BCL11B: variants seen among roughly 807,000 people sequenced by gnomAD.
BCL11B encodes BCL11 transcription factor B, also known as B-cell lymphoma/leukemia 11B.
In BCL11B, 8 loss-of-function variants were observed where a neutral mutation model predicts 49.9. The ratio of observed to expected loss-of-function variants is 0.16; its 90% CI spans 0.09 to 0.29. BCL11B has a LOEUF of 0.29. Ranked by LOEUF, BCL11B falls within the 10% of genes least tolerant of loss-of-function variation. BCL11B has a pLI of 1.00. For synonymous variants in BCL11B, 739 were observed against 637.4 expected (o/e 1.16, Z -2.40); for missense variants, 1,006 against 1,351.0 (o/e 0.74, Z 4.00).
chr14:99,252,567 A>G (rs139032738), intron 2 of BCL11B, among the ~76,000 whole-genome samples: 118 of 152,290 alleles, frequency 7.7e-4, no homozygotes, highest in African/African-American at 2.5e-3. Flanking sequence ...CTGCTAAGAG[A>G]ATCTCCCAGG....
chr14:99,190,303 A>G (rs1394614778), intron 3 of BCL11B, among the ~76,000 whole-genome samples: 1 of 152,170 alleles, frequency 6.6e-6, no homozygotes, highest in Non-Finnish European at 1.5e-5. Flanking sequence ...CTTGGCTAAT[A>G]CAGTGAAACC....
rs1008482399 is a variant in BCL11B, at chr14:99,248,486, G to C, written c.427+8985C>G. 6.6e-6 allele frequency among the ~76,000 whole-genome samples: 1 copy of C among 151,894 alleles called. No individual in the cohort carries two copies. Among genetic ancestry groups the C allele is most frequent in the African/African-American group, 2.4e-5 (1 of 41,320 alleles). On this transcript the variant is annotated intron_variant, in intron 2 of 3. Transcript: ENST00000357195. The surrounding 1 kb of genome is among the most constrained non-coding windows in gnomAD (Gnocchi z 4.7). Reference sequence around the variant, plus strand: ...AGGGCCCGAGGTTTATACAATTCAGGGTACACTCATCACAAAGAAAAGAAT... The same window carrying C: ...AGGGCCCGAGGTTTATACAATTCAGCGTACACTCATCACAAAGAAAAGAAT...
At chr14:99,259,901 A>G (rs1027494504) in intron 1 of BCL11B, among the ~76,000 whole-genome samples, 1 of 152,226 alleles carries the variant, frequency 6.6e-6, no homozygotes, top group African/African-American at 2.4e-5. Flanking sequence ...GTTTGTCAGA[A>G]TGTAAAAGGT....
At position 99,192,939 on chromosome 14, in the gene BCL11B, TAGTGAATA is replaced by T. The variant is rs56991040; in HGVS notation, c.641-16752_641-16745del. On this transcript the variant is annotated intron_variant, in intron 3 of 3. Transcript: ENST00000357195. This position sits in a 1 kb window ranked among gnomAD's most constrained non-coding sequence, Gnocchi z 4.0. ...AGAGTGAATGAATGAATGAGTAAAT[TAGTGAATA>T]AGTGAATAAGTGAATGAATGAATGA... Among the ~76,000 whole-genome samples the T allele has an allele frequency of 0.21, 32,183 of 151,746 alleles. 3,518 individuals are homozygous for T. The highest frequency in any genetic ancestry group is 0.45 in the South Asian group (2,139 of 4,790).
chr14:99,216,892 A>G (rs1188202507), intron 3 of BCL11B, among the ~76,000 whole-genome samples: 2 of 150,954 alleles, frequency 1.3e-5, no homozygotes, highest in East Asian at 3.9e-4. Flanking sequence ...CACAGATACC[A>G]TATACACTCA....
chr14:99,211,157 GA>G (rs1380855567), intron 3 of BCL11B, among the ~76,000 whole-genome samples: 15 of 152,172 alleles, frequency 9.9e-5, no homozygotes, highest in African/African-American at 3.6e-4. Context: ...CTGGAAGATG[GA>G]AGTGGGGGCC....
intron 3 of BCL11B, among the ~76,000 whole-genome samples, chr14:99,186,654 C>T (rs1886862175): frequency 1.3e-5 from 2 of 152,336 alleles, no homozygotes; most frequent in South Asian, 4.1e-4. Flanking sequence ...GGGAGAGGTT[C>T]AGAAAACACG....
At chr14:99,258,112 T>C (rs1889227628) in intron 1 of BCL11B, among the ~76,000 whole-genome samples, 1 of 152,212 alleles carries the variant, frequency 6.6e-6, no homozygotes, top group South Asian at 2.1e-4. Context: ...GTTTATTTTC[T>C]GCCAGTTTCT....
In BCL11B at chr14:99,215,812, A is replaced by G. The variant is rs139509241; in HGVS notation, c.640+15533T>C. Among the ~76,000 whole-genome samples the G allele has an allele frequency of 5.5e-3, 842 of 152,374 alleles. 8 individuals carry two copies. The highest frequency in any genetic ancestry group is 0.019 in the African/African-American group (795 of 41,592). On this transcript the variant is annotated intron_variant, in intron 3 of 3. Coordinates refer to ENST00000357195, the MANE Select transcript of BCL11B (RefSeq NM_138576.4). The stretch of plus-strand genomic sequence containing the variant: ...TCACTTTGCACTTGACTTTTAGTGC[A>G]GTGATTCTGGAAACACTGTGTTCAT...
rs1887515334 is a variant in BCL11B at position 99,205,695 on chromosome 14, A to G, written c.640+25650T>C. Among the ~76,000 whole-genome samples, 1 of 152,076 alleles carries G rather than the reference A, an allele frequency of 6.6e-6. No individual in the cohort carries two copies. The highest frequency in any genetic ancestry group is 6.5e-5 in the Admixed American group (1 of 15,270). On this transcript the variant is annotated intron_variant, in intron 3 of 3. Coordinates refer to ENST00000357195, the MANE Select transcript of BCL11B (RefSeq NM_138576.4). This position sits in a 1 kb window ranked among gnomAD's most constrained non-coding sequence, Gnocchi z 5.0. ...CAGGAATATGTAAATAAACAAACAG[A>G]GTACGTGGTAAGGAGCAGAATTCCC...
rs2139739758 is a variant in BCL11B, at chr14:99,169,361, A to T, written c.*4790T>A. 5.1e-6 allele frequency: 1 copy of T among 194,278 alleles called. No homozygotes were observed. Among genetic ancestry groups the T allele is most frequent in the Non-Finnish European group, 1.1e-5 (1 of 92,962 alleles). The allele number at this position is 194,278 out of a possible 1,614,324, so 12.0% of individuals were successfully genotyped here. A position where few individuals can be genotyped will look rare whatever the true frequency, so the allele number is the denominator to read the frequency against. On this transcript the variant is annotated 3_prime_UTR_variant, in exon 4 of 4. Coordinates refer to ENST00000357195, the MANE Select transcript of BCL11B (RefSeq NM_138576.4). ...AACAAACTTGGTTTTGAACAAGCGT[A>T]CAAATGAAATGGCAGACACATGCTG... is the stretch of plus-strand genomic sequence containing the variant.
intron 3 of BCL11B, among the ~76,000 whole-genome samples, chr14:99,197,544 G>C (rs1887212639): frequency 6.6e-6 from 1 of 152,152 alleles, no homozygotes; most frequent in African/African-American, 2.4e-5. Flanking sequence ...TTGGGTGTCA[G>C]AGGGTGGTGA....
rs771593562 is a variant in BCL11B at position 99,174,816 on chromosome 14, C to A, written c.2020G>T (p.Ala674Ser). 9 of 1,383,270 alleles carry A rather than the reference C, an allele frequency of 6.5e-6. No individual in the cohort carries two copies. The highest frequency in any genetic ancestry group is 6.1e-5 in the Admixed American group (2 of 32,884). 85.7% of individuals were successfully genotyped at this position (1,383,270 alleles called of 1,614,324 possible). A position where few individuals can be genotyped will look rare whatever the true frequency, so the allele number is the denominator to read the frequency against. ...PFPGLFPRKP[A>S]PLPSPGLNSA... ...TTGAGCCCGGGGCTGGGCAGCGGCG[C>A]GGGCTTGCGCGGGAAGAGCCCGGGG... Residue 674 changes from alanine (A) to serine (S), a missense_variant, in exon 4 of 4, where the codon GCG (alanine) becomes TCG (serine). Physicochemically the swap from Ala to Ser is moderately conservative, Grantham distance 99 (BLOSUM62 1). This residue lies in a region of BCL11B where 443 missense variants were observed against 499.7 expected (regional missense o/e 0.89). Transcript: ENST00000357195.
In BCL11B at chr14:99,174,373, C is replaced by T. The variant is rs1595213246; in HGVS notation, c.2463G>A (p.Glu821=). 6.2e-7 allele frequency: 1 copy of T among 1,613,582 alleles called. No individual in the cohort carries two copies. Among genetic ancestry groups the T allele is most frequent in the Non-Finnish European group, 8.5e-7 (1 of 1,179,932 alleles). ...TGCACAGCTCGCACTTGTAAGGCCGCTCGCCGGTGTGGCTCCGCCGGTGCA... is the reference window on the plus strand; with the variant it reads ...TGCACAGCTCGCACTTGTAAGGCCGTTCGCCGGTGTGGCTCCGCCGGTGCA... The part of the protein sequence containing the change: ...LTVHRRSHTG[E]RPYKCELCNY... Residue 821 remains glutamate (E), a synonymous_variant, in exon 4 of 4, where the codon GAG becomes GAA. Transcript: ENST00000357195.
chr14:99,244,170 A>C (rs1888754886), intron 2 of BCL11B, among the ~76,000 whole-genome samples: 1 of 152,120 alleles, frequency 6.6e-6, no homozygotes, highest in Non-Finnish European at 1.5e-5. Flanking sequence ...CGTAATTCTG[A>C]TCACTGTTGA....
chr14:99,201,437 C>A (rs1374252719), intron 3 of BCL11B, among the ~76,000 whole-genome samples: 1 of 152,166 alleles, frequency 6.6e-6, no homozygotes, highest in African/African-American at 2.4e-5. Context: ...CCACAGGGGG[C>A]TTCCTTCCTG....
chr14:99,219,313 C>T (rs1887942554), intron 3 of BCL11B, among the ~76,000 whole-genome samples: 2 of 152,148 alleles, frequency 1.3e-5, no homozygotes, highest in South Asian at 2.1e-4. Flanking sequence ...GGATTACAGG[C>T]GTGAGCCACC....
At position 99,175,087 on chromosome 14, in the gene BCL11B, C is replaced by T. The variant is rs760702497; in HGVS notation, c.1749G>A (p.Ala583=). The T allele has an allele frequency of 5.2e-5, 84 of 1,600,438 alleles. No individual in the cohort carries two copies. The highest frequency in any genetic ancestry group is 8.4e-5 in the Admixed American group (5 of 59,728). The part of the protein sequence containing the change: ...VPGVPGAGGG[A]AKALADEKAL... The stretch of plus-strand genomic sequence containing the variant: ...CCTTCTCGTCAGCCAGCGCCTTGGC[C>T]GCGCCGCCCCCCGCGCCCGGGACCC... The change falls in exon 4 of 4, where the codon GCG becomes GCA. Residue 583 remains alanine (A), a synonymous_variant. Transcript: ENST00000357195.
intron 3 of BCL11B, among the ~76,000 whole-genome samples, chr14:99,230,898 A>G (rs904200357): frequency 1.3e-5 from 2 of 152,102 alleles, no homozygotes; most frequent in Non-Finnish European, 2.9e-5. Context: ...TCTCCCAAAG[A>G]GAAACTCAGC....
Sources: gnomAD v4.1 joint callset for allele counts (sites outside exome capture counted in the v4.1 genomes callset) on GRCh38, gnomAD v4.1.1 for gene constraint, gnomAD v4.1.1 regional missense constraint, Gnocchi (gnomAD v3.1) non-coding constraint, MANE v1.5 for transcripts, NCBI Gene and HGNC (gene_info 2026-07-23, HGNC 2026-07-21) for gene names.